FARP2: variants seen among roughly 807,000 people sequenced by gnomAD.
FARP2 encodes FERM, ARHGEF and pleckstrin domain-containing protein 2.
FARP2 carries 111 observed loss-of-function variants against 130.5 expected under a neutral mutation model. That is an observed-to-expected ratio of 0.85 (90% CI 0.73 to 1.00). FARP2 has a LOEUF of 1.00. Among genes scored for constraint, FARP2 ranks in the 50% least tolerant of loss-of-function variants. FARP2 has a pLI of 0.00. For missense variants in FARP2, 1,385 were observed against 1,346.3 expected (o/e 1.03, Z -0.45); for synonymous variants, 504 against 516.9 (o/e 0.98, Z 0.34).
chr2:241,436,370 A>T, intron 11 of FARP2, 111 bp from the exon 12 acceptor site: 1 of 884,916 alleles, frequency 1.1e-6, no homozygotes, highest in Non-Finnish European at 1.9e-6. Context: ...CCTCTTAGCT[A>T]CATTTTCTTG....
chr2:241,469,236 G>A (rs1197077026), intron 18 of FARP2, among the ~76,000 whole-genome samples: 3 of 151,868 alleles, frequency 2.0e-5, no homozygotes, highest in African/African-American at 7.3e-5. Context: ...ACAGGCGCCC[G>A]CCACCACACC....
chr2:241,489,747 C>A (rs533566966), intron 21 of FARP2: 1 of 476,846 alleles, frequency 2.1e-6, no homozygotes, highest in African/African-American at 1.9e-5. Flanking sequence ...TATTTGGGTG[C>A]CCTCTGGCCC....
intron 13 of FARP2, among the ~76,000 whole-genome samples, chr2:241,449,376 C>G (rs1482290926): frequency 6.6e-6 from 1 of 152,152 alleles, no homozygotes; most frequent in African/African-American, 2.4e-5. Context: ...TCCTGTACCG[C>G]CTCTGAAGTC....
chr2:241,389,055 C>T (rs1443359714), intron 2 of FARP2, among the ~76,000 whole-genome samples: 2 of 151,928 alleles, frequency 1.3e-5, no homozygotes, highest in Non-Finnish European at 2.9e-5. Flanking sequence ...CCAAGGTGGG[C>T]GGATCACTTG....
chr2:241,370,310 G>T (rs947551201), intron 1 of FARP2, among the ~76,000 whole-genome samples: 4 of 152,240 alleles, frequency 2.6e-5, no homozygotes, highest in Admixed American at 6.5e-5. Context: ...CAGTTTAGAA[G>T]ATCTATTATA....
At chr2:241,472,027 CACTGT>C (rs1559803098) in intron 18 of FARP2, among the ~76,000 whole-genome samples, 2,524 of 84,032 alleles carry the variant, frequency 0.03, no homozygotes, top group Admixed American at 0.14. Flanking sequence ...TTTCTGGGAA[CACTGT>C]TCTGAGAAGA....
intron 26 of FARP2, 116 bp from the exon 27 acceptor site, chr2:241,493,892 C>T (rs1396393801): frequency 1.1e-5 from 7 of 631,148 alleles, no homozygotes; most frequent in South Asian, 3.8e-5. Flanking sequence ...CCACCGCACC[C>T]GGCCCCAGGT....
intron 11 of FARP2, among the ~76,000 whole-genome samples, chr2:241,435,771 A>G (rs1353488696): frequency 6.6e-6 from 1 of 151,816 alleles, no homozygotes; most frequent in African/African-American, 2.4e-5. Context: ...TCGGCCTCCC[A>G]AAGTGCTGGG....
Position 241,482,134 on chromosome 2 carries a change from G to A in FARP2, c.2263-1331G>A, listed in dbSNP as rs1200702670. 6.6e-6 allele frequency among the ~76,000 whole-genome samples: 1 copy of A among 152,188 alleles called. No homozygotes were observed. The highest frequency in any genetic ancestry group is 1.5e-5 in the Non-Finnish European group (1 of 68,040). On this transcript the variant is annotated intron_variant, in intron 19 of 26. Coordinates refer to ENST00000264042, the MANE Select transcript of FARP2 (RefSeq NM_014808.4). This position sits in a 1 kb window ranked among gnomAD's most constrained non-coding sequence, Gnocchi z 4.6. ...TAACCAGGTATAAAGTTGATGAGGT[G>A]CCAAAGGGTAAAAAGAACTGTGAAG...
Position 241,494,618 on chromosome 2 carries a change from AGCCCCAGGGG to A in FARP2, c.*494_*503del, listed in dbSNP as rs2065054794. ...CCTTCCATCTGGTGAACCAAGTGGC[AGCCCCAGGGG>A]CCTGCCCTGCAGGTCACAGCTAAAC... On this transcript the variant is annotated 3_prime_UTR_variant, in exon 27 of 27. Transcript: ENST00000264042. This position sits in a 1 kb window ranked among gnomAD's most constrained non-coding sequence, Gnocchi z 4.9. The A allele has an allele frequency of 6.6e-6, 1 of 152,314 alleles. No individual in the cohort carries two copies. The highest frequency in any genetic ancestry group is 6.5e-5 in the Admixed American group (1 of 15,294). 9.4% of individuals were successfully genotyped at this position (152,314 alleles called of 1,614,324 possible).
At chr2:241,414,349 G>A (rs1279713054) in intron 7 of FARP2, among the ~76,000 whole-genome samples, 1 of 152,212 alleles carries the variant, frequency 6.6e-6, no homozygotes, top group African/African-American at 2.4e-5. Context: ...CACCAAAGGG[G>A]AGCACTCAGC....
chr2:241,434,077 G>T (rs192264023), intron 9 of FARP2, 81 bp from the exon 10 acceptor site: 2 of 1,075,042 alleles, frequency 1.9e-6, no homozygotes, highest in Non-Finnish European at 1.3e-6. Flanking sequence ...ATTCCCTATC[G>T]TGTGATCTGC....
At chr2:241,375,711 A>G (rs551616234) in intron 2 of FARP2, among the ~76,000 whole-genome samples, 1 of 152,288 alleles carries the variant, frequency 6.6e-6, no homozygotes, top group South Asian at 2.1e-4. Flanking sequence ...TTTTATCTGA[A>G]GCAAAAGAAA....
intron 2 of FARP2, among the ~76,000 whole-genome samples, chr2:241,399,365 G>C (rs1469426483): frequency 1.3e-5 from 2 of 152,158 alleles, no homozygotes; most frequent in Non-Finnish European, 2.9e-5. Flanking sequence ...GAGTGCAGTG[G>C]CATGATCCCA....
At chr2:241,407,506 T>C in intron 4 of FARP2, 31 bp from the exon 5 acceptor site, 1 of 1,525,838 alleles carries the variant, frequency 6.6e-7, no homozygotes, top group Non-Finnish European at 9.1e-7. Flanking sequence ...AGATCGGCCT[T>C]ATTTGTGAAG....
At chr2:241,406,176 G>T (rs979622557) in intron 4 of FARP2, among the ~76,000 whole-genome samples, 5 of 149,548 alleles carry the variant, frequency 3.3e-5, no homozygotes, top group African/African-American at 9.8e-5. Flanking sequence ...GGCATGGTGG[G>T]GGGCGCCTGT....
At chr2:241,481,642 G>T (rs1024187827) in intron 19 of FARP2, among the ~76,000 whole-genome samples, 2 of 152,226 alleles carry the variant, frequency 1.3e-5, no homozygotes, top group Admixed American at 1.3e-4. Flanking sequence ...ACTCCTGGAA[G>T]TAGGGCTCAT....
At chr2:241,464,633 T>G (rs2064122252) in intron 17 of FARP2, among the ~76,000 whole-genome samples, 1 of 151,182 alleles carries the variant, frequency 6.6e-6, no homozygotes, top group Admixed American at 6.6e-5. Flanking sequence ...CCCCTCAGGC[T>G]CTCAGAACAG....
intron 13 of FARP2, among the ~76,000 whole-genome samples, chr2:241,454,739 C>G (rs1314353918): frequency 6.6e-6 from 1 of 152,146 alleles, no homozygotes; most frequent in Non-Finnish European, 1.5e-5. Flanking sequence ...GTAATAAAAG[C>G]AAATTCTAAT....
Sources: allele counts gnomAD v4.1 joint callset (sites outside exome capture counted in the v4.1 genomes callset), GRCh38; gene constraint gnomAD v4.1.1; non-coding constraint Gnocchi (gnomAD v3.1); transcripts MANE v1.5; gene names NCBI Gene and HGNC (gene_info 2026-07-23, HGNC 2026-07-21).